Variants in EDEM3 observed in about 807,000 individuals in gnomAD.
EDEM3 encodes ER degradation-enhancing alpha-mannosidase-like protein 3.
EDEM3 carries 60 observed loss-of-function variants against 110.2 expected under a neutral mutation model. The ratio of observed to expected loss-of-function variants is 0.54; its 90% CI spans 0.44 to 0.67. The LOEUF is 0.67. EDEM3 is among the 30% of genes least tolerant of loss of function. The pLI, the probability that EDEM3 is intolerant of heterozygous loss-of-function variation, is 0.00. For synonymous variants in EDEM3, 352 were observed against 382.9 expected, an observed-to-expected ratio of 0.92 and a Z score of 0.94; for missense variants, 996 against 1,121.0, an observed-to-expected ratio of 0.89 and a Z score of 1.59.
At position 184,710,068 on chromosome 1, in the gene EDEM3, T is replaced by C. The variant is rs116357269; in HGVS notation, c.1845+326A>G. On this transcript the variant is annotated intron_variant, in intron 16 of 19. Transcript: ENST00000318130. ...TATGAATATTAAAACTAATTACTAG[T>C]TTTTGAAGTTATGTTGTAAATAAAA... Among the ~76,000 whole-genome samples the C allele has an allele frequency of 2.8e-3, 431 of 152,204 alleles. 5 individuals carry two copies. The East Asian group carries it at 0.035, about 12-fold the overall frequency.
chr1:184,746,884 T>A lies in EDEM3; in HGVS notation c.204+2663A>T, dbSNP rs115609810. Among the ~76,000 whole-genome samples the A allele has an allele frequency of 6.7e-3, 1,026 of 152,304 alleles. 18 individuals are homozygous for A. The highest frequency in any genetic ancestry group is 0.024 in the African/African-American group (993 of 41,558). On this transcript the variant is annotated intron_variant, in intron 2 of 19. Coordinates refer to ENST00000318130, the MANE Select transcript of EDEM3 (RefSeq NM_025191.4). The stretch of plus-strand genomic sequence containing the variant: ...CCTGCCATGTACCAGGCATTTTATA[T>A]TTTAGGATAGTAGGCAACTGACTAC...
intron 2 of EDEM3, among the ~76,000 whole-genome samples, chr1:184,739,539 C>G (rs897338661): frequency 1.3e-5 from 2 of 151,732 alleles, no homozygotes; most frequent in African/African-American, 4.8e-5. Context: ...AGCAACTGAG[C>G]CTTCCCTTCT....
intron 1 of EDEM3, 48 bp downstream of exon 1, chr1:184,754,441 G>A: frequency 6.2e-7 from 1 of 1,610,524 alleles, no homozygotes; most frequent in Non-Finnish European, 8.5e-7. Flanking sequence ...CACCCCTCCT[G>A]TTGTCAGCCT....
intron 13 of EDEM3, among the ~76,000 whole-genome samples, chr1:184,716,547 C>T (rs1329147941): frequency 6.6e-6 from 1 of 151,966 alleles, no homozygotes; most frequent in African/African-American, 2.4e-5. Context: ...TTGGTAATTT[C>T]TAATGTCTTA....
Position 184,754,721 on chromosome 1 carries a change from G to C in EDEM3, c.-75C>G, listed in dbSNP as rs1184051810. On this transcript the variant is annotated 5_prime_UTR_variant, in exon 1 of 20. Transcript: ENST00000318130. ...ACATTGCTGGACGCTGGTGGCCAGG[G>C]GGCTGCTAGCCGTGCCGAGACGGGG... 2.1e-6 allele frequency: 3 copies of C among 1,441,164 alleles called. No homozygotes were observed. Among genetic ancestry groups the C allele is most frequent in the East Asian group, 2.7e-5 (1 of 37,084 alleles). 89.3% of individuals were successfully genotyped at this position (1,441,164 alleles called of 1,614,324 possible). A position where few individuals can be genotyped will look rare whatever the true frequency, so the allele number is the denominator to read the frequency against.
chr1:184,721,568 T>G lies in EDEM3; in HGVS notation c.854-182A>C, dbSNP rs545792407. 2.0e-3 allele frequency among the ~76,000 whole-genome samples: 308 copies of G among 152,204 alleles called. 1 individual carries two copies. Among genetic ancestry groups the G allele is most frequent in the African/African-American group, 7.0e-3 (293 of 41,574 alleles). On this transcript the variant is annotated intron_variant, in intron 8 of 19. Transcript: ENST00000318130. Reference sequence around the variant, plus strand: ...AATAAATAATTTGCTAACTAGTTCATAGTTTAATTAGCTCTTAGTTTCACT... The same window carrying G: ...AATAAATAATTTGCTAACTAGTTCAGAGTTTAATTAGCTCTTAGTTTCACT...
chr1:184,707,908 G>GAAGAGACC lies in EDEM3; in HGVS notation c.2037+237_2037+244dup, dbSNP rs1650018424. On this transcript the variant is annotated intron_variant, in intron 17 of 19. Coordinates refer to ENST00000318130, the MANE Select transcript of EDEM3 (RefSeq NM_025191.4). ...GATCAATTACAGGTATTAAATTAGA[G>GAAGAGACC]AAGAGACCAAGAAATTGAATAGAAC... Among the ~76,000 whole-genome samples, 6 of 152,262 alleles carry GAAGAGACC rather than the reference G, an allele frequency of 3.9e-5. No individual in the cohort carries two copies. The South Asian group carries it at 1.2e-3, about 32-fold the overall frequency.
intron 2 of EDEM3, among the ~76,000 whole-genome samples, chr1:184,741,267 C>T (rs910246275): frequency 1.3e-5 from 2 of 151,900 alleles, no homozygotes; most frequent in Non-Finnish European, 2.9e-5. Context: ...GGTGTGGTGG[C>T]AGGCATCTGT....
chr1:184,726,934 C>T (rs373979157), intron 6 of EDEM3, among the ~76,000 whole-genome samples: 1 of 152,172 alleles, frequency 6.6e-6, no homozygotes, highest in Non-Finnish European at 1.5e-5. Context: ...AGTGTATCAC[C>T]TTGCTGGCAG....
intron 19 of EDEM3, among the ~76,000 whole-genome samples, chr1:184,696,910 G>T (rs72737766): frequency 0.01 from 1,521 of 151,946 alleles, 17 homozygotes; most frequent in South Asian, 0.015. Context: ...TATTATTTTG[G>T]AAATCTAGCT....
At chr1:184,700,211 T>C (rs998313682) in intron 19 of EDEM3, among the ~76,000 whole-genome samples, 3 of 151,954 alleles carry the variant, frequency 2.0e-5, no homozygotes, top group Non-Finnish European at 4.4e-5. Flanking sequence ...GATACATCTA[T>C]ACTAATGGCA....
At position 184,754,541 on chromosome 1, in the gene EDEM3, C is replaced by A. The variant is rs754360198; in HGVS notation, c.106G>T (p.Val36Leu). The A allele has an allele frequency of 6.2e-7, 1 of 1,613,022 alleles. No individual in the cohort carries two copies. Among genetic ancestry groups the A allele is most frequent in the South Asian group, 1.1e-5 (1 of 91,072 alleles). ...AAFCLVSATS[V>L]WTAGAEPMSR... ...ATGGGCTCGGCCCCCGCCGTCCACA[C>A]GGAGGTGGCCGACACCAGGCAGAAC... The change falls in exon 1 of 20, where the codon GTG (valine) becomes TTG (leucine). Residue 36 changes from valine (V) to leucine (L), a missense_variant. This residue lies in a region of EDEM3 where 200 missense variants were observed against 183.8 expected (regional missense o/e 1.09). Coordinates refer to ENST00000318130, the MANE Select transcript of EDEM3 (RefSeq NM_025191.4).
chr1:184,706,712 C>T lies in EDEM3; in HGVS notation c.2134G>A (p.Gly712Arg). 6.2e-7 allele frequency: 1 copy of T among 1,613,960 alleles called. No individual in the cohort carries two copies. Among genetic ancestry groups the T allele is most frequent in the Non-Finnish European group, 8.5e-7 (1 of 1,179,872 alleles). Reference protein sequence around the residue: ...VMGKIALIQRGQCMFAEKARN... With the variant: ...VMGKIALIQRRQCMFAEKARN... ...GCCTTTTCTGCAAACATGCACTGTC[C>T]TCTTTGTATCAGTGCGATTTTTCCC... The change falls in exon 18 of 20, where the codon GGA becomes AGA. Residue 712 changes from glycine (G) to arginine (R), a missense_variant. Physicochemically the swap from Gly to Arg is moderately radical, Grantham distance 125. Coordinates refer to ENST00000318130, the MANE Select transcript of EDEM3 (RefSeq NM_025191.4).
chr1:184,734,401 G>A (rs1337466393), intron 5 of EDEM3, 130 bp downstream of exon 5: 5 of 269,024 alleles, frequency 1.9e-5, no homozygotes, highest in Non-Finnish European at 2.8e-5. Flanking sequence ...CCCGGGAGGC[G>A]GAGGCTGCAG....
intron 4 of EDEM3, among the ~76,000 whole-genome samples, chr1:184,736,338 T>C (rs745791843): frequency 1.3e-5 from 2 of 152,314 alleles, no homozygotes; most frequent in East Asian, 1.9e-4. Flanking sequence ...CAAAGGTTTT[T>C]TGTTTTGTTT....
At chr1:184,745,725 C>T (rs561710348) in intron 2 of EDEM3, among the ~76,000 whole-genome samples, 1 of 152,226 alleles carries the variant, frequency 6.6e-6, no homozygotes, top group East Asian at 1.9e-4. Flanking sequence ...CAAAATCAAG[C>T]TTAATAGTGG....
intron 15 of EDEM3, among the ~76,000 whole-genome samples, chr1:184,711,270 T>G (rs538725411): frequency 6.6e-6 from 1 of 152,256 alleles, no homozygotes; most frequent in East Asian, 1.9e-4. Flanking sequence ...GGCTAATTTT[T>G]TGTATTTTTA....
chr1:184,702,808 T>C lies in EDEM3; in HGVS notation c.2389+3A>G, dbSNP rs997045671. 19 of 1,580,596 alleles carry C rather than the reference T, an allele frequency of 1.2e-5. No individual in the cohort carries two copies. In the African/African-American group the frequency reaches 2.6e-4, roughly 22 times the overall value. On this transcript the variant is annotated splice_donor_region_variant and intron_variant, in intron 19 of 19. Transcript: ENST00000318130. ...AAAAAAACAAATGGTATTTTACTCT[T>C]ACCTCGATCTTTTGCTTTATCAGAG...
intron 18 of EDEM3, among the ~76,000 whole-genome samples, chr1:184,704,038 G>C (rs1199567503): frequency 6.6e-6 from 1 of 152,142 alleles, no homozygotes; most frequent in Non-Finnish European, 1.5e-5. Context: ...AGAGAGAAAA[G>C]TGAAAAACAT....
Sources: allele counts gnomAD v4.1 joint callset (sites outside exome capture counted in the v4.1 genomes callset), GRCh38; gene constraint gnomAD v4.1.1; regional missense constraint gnomAD v4.1.1; transcripts MANE v1.5; gene names NCBI Gene and HGNC (gene_info 2026-07-23, HGNC 2026-07-21).